Variants in LAPTM4A observed in about 807,000 individuals in gnomAD.
LAPTM4A encodes the protein lysosomal protein transmembrane 4 alpha.
In LAPTM4A, 19 loss-of-function variants were observed where a neutral mutation model predicts 29.9. The ratio of observed to expected loss-of-function variants is 0.64; its 90% CI spans 0.44 to 0.93. The LOEUF (loss-of-function observed/expected upper bound fraction) is 0.93, where lower values mean the gene tolerates loss of function less well. Among genes scored for constraint, LAPTM4A ranks in the 40% least tolerant of loss-of-function variants. The probability of loss-of-function intolerance (pLI) is 0.00; values close to 1 mark genes in which losing one functional copy is unlikely to be tolerated. For missense variants in LAPTM4A, 293 were observed against 288.5 expected, an observed-to-expected ratio of 1.02 and a Z score of -0.11; for synonymous variants, 105 against 102.1, an observed-to-expected ratio of 1.03 and a Z score of -0.17.
In LAPTM4A at chr2:20,037,308, A is replaced by G. The variant is rs770255506; in HGVS notation, c.432+8T>C. 6.2e-7 allele frequency: 1 copy of G among 1,601,346 alleles called. No homozygotes were observed. The highest frequency in any genetic ancestry group is 8.5e-7 in the Non-Finnish European group (1 of 1,174,758). On this transcript the variant is annotated splice_region_variant and intron_variant, in intron 4 of 6. Coordinates refer to ENST00000175091, the MANE Select transcript of LAPTM4A (RefSeq NM_014713.5). ...AAAAAAATAAGTTTAATGAGCATACACACTTACTAGTTGATCCAGATATTC... is the reference window on the plus strand; with the variant it reads ...AAAAAAATAAGTTTAATGAGCATACGCACTTACTAGTTGATCCAGATATTC...
chr2:20,051,353 C>A, intron 1 of LAPTM4A, 57 bp downstream of exon 1: 1 of 1,139,424 alleles, frequency 8.8e-7, no homozygotes. Context: ...ACCCCCTCCG[C>A]ACCAGGCCCC....
intron 1 of LAPTM4A, among the ~76,000 whole-genome samples, chr2:20,047,659 C>T (rs1203424464): frequency 7.2e-6 from 1 of 138,592 alleles, no homozygotes; most frequent in African/African-American, 2.6e-5. Flanking sequence ...CACTGCGGTC[C>T]GCAGTCCGGC....
At chr2:20,037,290 T>A in intron 4 of LAPTM4A, 26 bp downstream of exon 4, 2 of 1,523,898 alleles carry the variant, frequency 1.3e-6, no homozygotes, top group Non-Finnish European at 8.8e-7. Flanking sequence ...GAAAAAAAAA[T>A]AAGTTTAATG....
intron 4 of LAPTM4A, among the ~76,000 whole-genome samples, chr2:20,035,553 T>G (rs921505314): frequency 6.6e-5 from 10 of 152,240 alleles, no homozygotes; most frequent in African/African-American, 2.4e-4. Context: ...CTGGTTACAA[T>G]GTCAGGCAAG....
At chr2:20,045,222 TACTA>T (rs764447911) in intron 1 of LAPTM4A, among the ~76,000 whole-genome samples, 12 of 152,386 alleles carry the variant, frequency 7.9e-5, no homozygotes, top group South Asian at 2.1e-4. Flanking sequence ...TCCAACTATG[TACTA>T]ACTATTACAA....
At chr2:20,036,019 T>C (rs1010828757) in intron 4 of LAPTM4A, among the ~76,000 whole-genome samples, 17 of 152,242 alleles carry the variant, frequency 1.1e-4, no homozygotes, top group Admixed American at 7.2e-4. Context: ...AGCTGTTTTT[T>C]TGATCTTCAT....
chr2:20,033,372 G>A, intron 6 of LAPTM4A, 93 bp from the exon 7 acceptor site: 1 of 990,468 alleles, frequency 1.0e-6, no homozygotes, highest in Non-Finnish European at 1.6e-6. Flanking sequence ...CCTAAATAGG[G>A]TTATACAAAA....
chr2:20,037,588 A>G lies in LAPTM4A; in HGVS notation c.259T>C (p.Ser87Pro). Residue 87 changes from serine to proline, a missense_variant, in exon 3 of 7, where the codon TCT becomes CCT. By Grantham distance (74) the Ser-to-Pro change is moderately conservative. Transcript: ENST00000175091. ...ADNACVLFAVSVLMFIISSML... is the reference protein window; with the variant it reads ...ADNACVLFAVPVLMFIISSML... The stretch of plus-strand genomic sequence containing the variant: ...GAACTGATTATAAACATAAGAACAG[A>G]GACGGCAAAAAGAACACAGGCATTA... The G allele has an allele frequency of 6.2e-7, 1 of 1,608,860 alleles. No individual in the cohort carries two copies. The highest frequency in any genetic ancestry group is 8.5e-7 in the Non-Finnish European group (1 of 1,177,802).
At chr2:20,050,872 A>G (rs1007277885) in intron 1 of LAPTM4A, among the ~76,000 whole-genome samples, 4 of 152,248 alleles carry the variant, frequency 2.6e-5, no homozygotes, top group African/African-American at 9.6e-5. Flanking sequence ...GATGCAAGAG[A>G]GGCATGAAAC....
Position 20,040,851 on chromosome 2 carries a change from T to C in LAPTM4A, c.232+40A>G, listed in dbSNP as rs572568376. The C allele has an allele frequency of 2.3e-5, 36 of 1,587,446 alleles. No homozygotes were observed. In the South Asian group the frequency reaches 3.3e-4, roughly 15 times the overall value. ...ACAACACAGGACTGTATATAAAAAT[T>C]AGCAGGGGAGATTTTTTTGTTTTTC... On this transcript the variant is annotated intron_variant, in intron 2 of 6. Transcript: ENST00000175091.
At position 20,038,437 on chromosome 2, in the gene LAPTM4A, T is replaced by C. The variant is rs146837640; in HGVS notation, c.233-823A>G. Among the ~76,000 whole-genome samples the C allele has an allele frequency of 4.6e-5, 7 of 152,292 alleles. No individual in the cohort carries two copies. In the East Asian group the frequency reaches 1.3e-3, roughly 29 times the overall value. ...GTGACTCTGGACAGTTTTTTCTTTC[T>C]TTTCCTGAGACAGAGTCTTGCTCTG... On this transcript the variant is annotated intron_variant, in intron 2 of 6. Transcript: ENST00000175091.
intron 6 of LAPTM4A, among the ~76,000 whole-genome samples, chr2:20,034,080 G>A (rs1673631265): frequency 6.6e-6 from 1 of 152,164 alleles, no homozygotes; most frequent in Non-Finnish European, 1.5e-5. Flanking sequence ...TGACACTAAT[G>A]AGGACCTCTA....
In LAPTM4A at chr2:20,035,081, C is replaced by G; in HGVS notation, c.433-19G>C. 3 of 1,559,432 alleles carry G rather than the reference C, an allele frequency of 1.9e-6. No individual in the cohort carries two copies. Among genetic ancestry groups the G allele is most frequent in the Non-Finnish European group, 2.6e-6 (3 of 1,132,448 alleles). ...AATCAGGCTATTAAAGAAACACACA[C>G]ACATTTACAAGTCAGCCATCGCACT... On this transcript the variant is annotated intron_variant, in intron 4 of 6. Coordinates refer to ENST00000175091, the MANE Select transcript of LAPTM4A (RefSeq NM_014713.5).
At chr2:20,034,560 C>T (rs1271682324) in intron 5 of LAPTM4A, 145 bp from the exon 6 acceptor site, 3 of 632,324 alleles carry the variant, frequency 4.7e-6, no homozygotes, top group Non-Finnish European at 8.5e-6. Flanking sequence ...CAGGCCAGGC[C>T]CTTTCCCTAC....
chr2:20,039,616 A>G (rs1673751011), intron 2 of LAPTM4A, among the ~76,000 whole-genome samples: 1 of 152,168 alleles, frequency 6.6e-6, no homozygotes, highest in Non-Finnish European at 1.5e-5. Flanking sequence ...CAGGCAGCTG[A>G]GGTGGGAGGA....
At chr2:20,035,302 G>A in intron 4 of LAPTM4A, 1 of 451,264 alleles carries the variant, frequency 2.2e-6, no homozygotes, top group Non-Finnish European at 4.0e-6. Flanking sequence ...TCTAAATTTA[G>A]CTCGTTTTCT....
intron 2 of LAPTM4A, among the ~76,000 whole-genome samples, chr2:20,038,668 G>C (rs1027402970): frequency 5.9e-5 from 9 of 152,002 alleles, no homozygotes; most frequent in Non-Finnish European, 1.5e-5. Flanking sequence ...CAGGTGATCC[G>C]TCTGGGCAGA....
At chr2:20,050,443 C>G (rs1674028516) in intron 1 of LAPTM4A, among the ~76,000 whole-genome samples, 1 of 152,132 alleles carries the variant, frequency 6.6e-6, no homozygotes, top group Admixed American at 6.5e-5. Context: ...ACCACATTCG[C>G]GAAGTCATTA....
At chr2:20,036,727 T>C (rs769381495) in intron 4 of LAPTM4A, among the ~76,000 whole-genome samples, 7 of 152,138 alleles carry the variant, frequency 4.6e-5, no homozygotes, top group Non-Finnish European at 7.4e-5. Context: ...GACGCCCTCC[T>C]TGGCCACCCA....
Sources: gnomAD v4.1 joint callset for allele counts (sites outside exome capture counted in the v4.1 genomes callset) on GRCh38, gnomAD v4.1.1 for gene constraint, MANE v1.5 for transcripts, NCBI Gene and HGNC (gene_info 2026-07-23, HGNC 2026-07-21) for gene names.